The following PVT1 variants were observed in gnomAD, a reference collection of about 807,000 sequenced individuals.
PVT1 encodes the protein Pvt1 oncogene, also known as CXCR4/PVT1 fusion.
At position 128,079,933 on chromosome 8, in the gene PVT1, C is replaced by G. The variant is rs1245122376; in HGVS notation, n.1114+9572C>G. Among the ~76,000 whole-genome samples, 5 of 152,244 alleles carry G rather than the reference C, an allele frequency of 3.3e-5. No homozygotes were observed. The South Asian group carries it at 6.2e-4, about 19-fold the overall frequency. Reference sequence around the variant, plus strand: ...TAGAGACAGGGTTTCACCATGGTAGCCAGGATGGTTTCAATCTCGTGACCT... The same window carrying G: ...TAGAGACAGGGTTTCACCATGGTAGGCAGGATGGTTTCAATCTCGTGACCT... On this transcript the variant is annotated intron_variant and non_coding_transcript_variant, in intron 5 of 10. Transcript: ENST00000651587.
Position 127,821,955 on chromosome 8 carries a change from A to G in PVT1, n.372+25884A>G, listed in dbSNP as rs548805131. On this transcript the variant is annotated intron_variant and non_coding_transcript_variant, in intron 2 of 10. Coordinates refer to ENST00000651587, the Ensembl canonical transcript of PVT1. ...CTGCACGGCCATATGTGGCAGGCCT[A>G]CCAGGTGTGGATGAGGCTGTCTGGG... Among the ~76,000 whole-genome samples the G allele has an allele frequency of 3.9e-5, 6 of 152,306 alleles. 1 individual carries two copies. The South Asian group carries it at 1.2e-3, about 32-fold the overall frequency.
intron 1 of PVT1, among the ~76,000 whole-genome samples, chr8:127,795,200 CTT>C (rs1397760713): frequency 6.6e-6 from 1 of 152,172 alleles, no homozygotes; most frequent in Non-Finnish European, 1.5e-5. Context: ...TGTTTTGAGA[CTT>C]TCTCAGTTTT....
intron 4 of PVT1, among the ~76,000 whole-genome samples, chr8:128,022,862 ATTTTT>A (rs57327175): frequency 1.5e-5 from 2 of 133,954 alleles, no homozygotes; most frequent in African/African-American, 2.6e-5. Flanking sequence ...GCAAGCTGAG[ATTTTT>A]TTTTTTTTTT....
intron 3 of PVT1, among the ~76,000 whole-genome samples, chr8:127,945,053 A>G (rs1816403148): frequency 6.6e-6 from 1 of 152,174 alleles, no homozygotes; most frequent in Non-Finnish European, 1.5e-5. Flanking sequence ...CATAAAAATG[A>G]ACCTGAAGTG....
At chr8:128,083,858 C>T (rs1002633343) in intron 5 of PVT1, among the ~76,000 whole-genome samples, 7 of 152,174 alleles carry the variant, frequency 4.6e-5, no homozygotes, top group African/African-American at 1.4e-4. Flanking sequence ...CCACCTCTGT[C>T]GGGGTCCCAC....
intron 3 of PVT1, chr8:127,946,836 G>C (rs760132762): frequency 6.5e-6 from 1 of 153,370 alleles, no homozygotes; most frequent in Non-Finnish European, 1.5e-5. Flanking sequence ...TGCCAGCATC[G>C]GTCAGCCTAC....
intron 2 of PVT1, among the ~76,000 whole-genome samples, chr8:127,839,833 G>T (rs1814952851): frequency 1.3e-5 from 2 of 152,174 alleles, no homozygotes; most frequent in Non-Finnish European, 2.9e-5. Context: ...GGCTGGGGAG[G>T]ATTGGCTGCA....
chr8:127,853,939 G>A (rs1355599370), intron 2 of PVT1, among the ~76,000 whole-genome samples: 1 of 151,880 alleles, frequency 6.6e-6, no homozygotes, highest in Non-Finnish European at 1.5e-5. Context: ...CCCCCATCCC[G>A]TGGCCCTTGC....
At chr8:128,011,267 G>T (rs923578697) in intron 4 of PVT1, among the ~76,000 whole-genome samples, 2 of 152,154 alleles carry the variant, frequency 1.3e-5, no homozygotes, top group Non-Finnish European at 2.9e-5. Context: ...AATCTTTTGT[G>T]GGGGAGTGTT....
At chr8:127,947,530 G>C (rs780095327) in intron 3 of PVT1, 1 of 361,094 alleles carries the variant, frequency 2.8e-6, no homozygotes, top group Non-Finnish European at 5.4e-6. Flanking sequence ...GGATTTACAA[G>C]GTGGGCCTCA....
chr8:128,045,712 A>G (rs1261771409), intron 4 of PVT1, among the ~76,000 whole-genome samples: 5 of 152,324 alleles, frequency 3.3e-5, no homozygotes, highest in African/African-American at 4.8e-5. Flanking sequence ...GCTGCCCTGT[A>G]AGGCGTAATG....
At chr8:127,835,363 G>A (rs1315481033) in intron 2 of PVT1, among the ~76,000 whole-genome samples, 1 of 150,888 alleles carries the variant, frequency 6.6e-6, no homozygotes, top group African/African-American at 2.4e-5. Context: ...ACCAAACACA[G>A]CATGTTCTCA....
rs1032586030 is a variant in PVT1 at position 128,028,198 on chromosome 8, G to A, written n.912+38907G>A. On this transcript the variant is annotated intron_variant and non_coding_transcript_variant, in intron 4 of 10. Coordinates refer to ENST00000651587, the Ensembl canonical transcript of PVT1. ...CAGGCAGCCAACCAAGCTGGCCCGA[G>A]CGCGCAAGGCAGGGTGCTGGTGCCG... Among the ~76,000 whole-genome samples, 15 of 152,394 alleles carry A rather than the reference G, an allele frequency of 9.8e-5. No homozygotes were observed. In the East Asian group the frequency reaches 2.9e-3, roughly 29 times the overall value.
intron 2 of PVT1, among the ~76,000 whole-genome samples, chr8:127,800,784 C>T (rs777093431): frequency 3.9e-5 from 6 of 152,236 alleles, no homozygotes; most frequent in East Asian, 1.9e-4. Flanking sequence ...GGACAGATTT[C>T]CATGCTAGAG....
intron 3 of PVT1, among the ~76,000 whole-genome samples, chr8:127,924,656 C>T (rs1253294205): frequency 3.3e-5 from 5 of 151,972 alleles, no homozygotes; most frequent in South Asian, 2.1e-4. Flanking sequence ...GGACTACAGG[C>T]GCCCACCACC....
At chr8:127,973,662 G>A (rs565465277) in intron 3 of PVT1, among the ~76,000 whole-genome samples, 2 of 141,880 alleles carry the variant, frequency 1.4e-5, no homozygotes, top group African/African-American at 5.1e-5. Context: ...TGTAGAAGCT[G>A]ACCCAAGTTG....
At chr8:128,003,192 CTG>C (rs1314113101) in intron 4 of PVT1, among the ~76,000 whole-genome samples, 2 of 137,650 alleles carry the variant, frequency 1.5e-5, no homozygotes, top group South Asian at 2.4e-4. Flanking sequence ...CAGGATTTCA[CTG>C]TGTTAGACAA....
chr8:127,876,598 T>C (rs1196807035), intron 2 of PVT1, among the ~76,000 whole-genome samples: 1 of 152,004 alleles, frequency 6.6e-6, no homozygotes, highest in Non-Finnish European at 1.5e-5. Context: ...GATATTAGCA[T>C]TACCCGTACA....
chr8:127,862,112 A>C (rs867047878), intron 2 of PVT1, among the ~76,000 whole-genome samples: 1 of 152,184 alleles, frequency 6.6e-6, no homozygotes, highest in Non-Finnish European at 1.5e-5. Context: ...TTTTAAAAAA[A>C]TTTTAACTTT....
Sources: gnomAD v4.1 joint callset for allele counts (sites outside exome capture counted in the v4.1 genomes callset) on GRCh38, gnomAD v4.1.1 for gene constraint, MANE v1.5 for transcripts, NCBI Gene and HGNC (gene_info 2026-07-23, HGNC 2026-07-21) for gene names.